The following MIS18A variants were observed in gnomAD, a reference collection of about 807,000 sequenced individuals.
MIS18A encodes protein Mis18-alpha.
A neutral mutation model predicts 25.0 loss-of-function variants in MIS18A; 14 were observed. The observed-to-expected ratio is 0.56, with a 90% CI of 0.37 to 0.88. MIS18A has a LOEUF of 0.88. Among genes scored for constraint, MIS18A ranks in the 40% least tolerant of loss-of-function variants. The pLI, the probability that MIS18A is intolerant of heterozygous loss-of-function variation, is 0.00. For synonymous variants in MIS18A, 134 were observed against 118.6 expected (o/e 1.13, Z -0.84); for missense variants, 292 against 290.8 (o/e 1.00, Z -0.03).
At chr21:32,212,273 C>T in the MIS18A span, among the ~76,000 whole-genome samples, 2 of 152,184 alleles carry the variant, frequency 1.3e-5, no homozygotes, top group Non-Finnish European at 2.9e-5. Flanking sequence ...AATCAGAAGG[C>T]ATGACTTTAA....
chr21:32,265,465 T>C (rs2031577382), downstream of MIS18A, among the ~76,000 whole-genome samples: 1 of 152,212 alleles, frequency 6.6e-6, no homozygotes, highest in African/African-American at 2.4e-5. Flanking sequence ...ATGGGGGACT[T>C]AGCACCTGGG....
the MIS18A span, among the ~76,000 whole-genome samples, chr21:32,201,893 C>T: frequency 2.0e-5 from 3 of 152,132 alleles, no homozygotes; most frequent in South Asian, 2.1e-4. Flanking sequence ...TTCAACTTTG[C>T]GTTACCTTTC....
the MIS18A span, among the ~76,000 whole-genome samples, chr21:32,221,507 T>C: frequency 1.3e-5 from 2 of 152,040 alleles, no homozygotes; most frequent in African/African-American, 2.4e-5. Context: ...GAAAAACCGG[T>C]ACCAGCCACT....
At chr21:32,240,427 G>A in the MIS18A span, among the ~76,000 whole-genome samples, 1 of 152,114 alleles carries the variant, frequency 6.6e-6, no homozygotes, top group Non-Finnish European at 1.5e-5. Flanking sequence ...AAACCTACGG[G>A]GCCTTGTTCT....
the MIS18A span, among the ~76,000 whole-genome samples, chr21:32,256,930 C>T: frequency 5.9e-5 from 9 of 152,164 alleles, no homozygotes; most frequent in African/African-American, 1.2e-4. Context: ...CAGGCTAGAA[C>T]GAAAGTCTGC....
the MIS18A span, among the ~76,000 whole-genome samples, chr21:32,190,664 G>C: frequency 6.6e-6 from 1 of 152,226 alleles, no homozygotes; most frequent in African/African-American, 2.4e-5. Context: ...TGCAGCTCCT[G>C]TCAAGTGAGC....
At chr21:32,246,716 C>T in the MIS18A span, among the ~76,000 whole-genome samples, 1 of 152,148 alleles carries the variant, frequency 6.6e-6, no homozygotes, top group Non-Finnish European at 1.5e-5. Flanking sequence ...CAGACCCTTT[C>T]CAGCGCCTTC....
At chr21:32,189,558 C>T in the MIS18A span, among the ~76,000 whole-genome samples, 2 of 152,224 alleles carry the variant, frequency 1.3e-5, no homozygotes, top group East Asian at 1.9e-4. Context: ...GGATGACAGG[C>T]GTGAGCCACC....
At chr21:32,242,023 C>T in the MIS18A span, among the ~76,000 whole-genome samples, 4 of 152,202 alleles carry the variant, frequency 2.6e-5, no homozygotes, top group Admixed American at 6.5e-5. Flanking sequence ...GGACTACAGG[C>T]GCCCGCCACC....
chr21:32,202,714 T>C, the MIS18A span, among the ~76,000 whole-genome samples: 2 of 152,216 alleles, frequency 1.3e-5, no homozygotes, highest in African/African-American at 2.4e-5. Flanking sequence ...TTTACCTAAG[T>C]GAAATCAGAC....
At chr21:32,208,919 A>G in the MIS18A span, among the ~76,000 whole-genome samples, 2 of 152,238 alleles carry the variant, frequency 1.3e-5, no homozygotes, top group Non-Finnish European at 2.9e-5. Flanking sequence ...GACTGCACCA[A>G]ACAGTGGGCA....
At chr21:32,175,518 C>T in the MIS18A span, among the ~76,000 whole-genome samples, 1 of 151,048 alleles carries the variant, frequency 6.6e-6, no homozygotes, top group East Asian at 1.9e-4. Flanking sequence ...GTTTAAAACA[C>T]AAACACACCG....
the MIS18A span, among the ~76,000 whole-genome samples, chr21:32,168,814 G>T: frequency 1.3e-5 from 2 of 152,248 alleles, 1 homozygote; most frequent in Non-Finnish European, 2.9e-5. Context: ...AGGAAAAAAG[G>T]AAAATAAGAA....
chr21:32,247,065 G>A, the MIS18A span, among the ~76,000 whole-genome samples: 2 of 152,108 alleles, frequency 1.3e-5, no homozygotes, highest in Non-Finnish European at 1.5e-5. Context: ...AGCAACTCTC[G>A]TCAACACCAA....
At chr21:32,229,193 TGA>T in the MIS18A span, among the ~76,000 whole-genome samples, 2 of 152,170 alleles carry the variant, frequency 1.3e-5, no homozygotes. Context: ...AAAAAACAAA[TGA>T]GATAAATAAG....
chr21:32,218,816 C>T, the MIS18A span, among the ~76,000 whole-genome samples: 1 of 152,046 alleles, frequency 6.6e-6, no homozygotes, highest in Non-Finnish European at 1.5e-5. Context: ...ATCTTATCAG[C>T]CACTTTGGGA....
At chr21:32,195,772 C>A in the MIS18A span, among the ~76,000 whole-genome samples, 1 of 152,136 alleles carries the variant, frequency 6.6e-6, no homozygotes. Context: ...GTAATCCCAG[C>A]CCTTTGGGAG....
intron 4 of MIS18A, among the ~76,000 whole-genome samples, chr21:32,269,432 A>C (rs2031672376): frequency 6.6e-6 from 1 of 152,220 alleles, no homozygotes; most frequent in Non-Finnish European, 1.5e-5. Context: ...GAATCAAACA[A>C]AATACTGATT....
chr21:32,208,922 A>G, the MIS18A span, among the ~76,000 whole-genome samples: 4 of 152,236 alleles, frequency 2.6e-5, no homozygotes, highest in Non-Finnish European at 5.9e-5. Flanking sequence ...TGCACCAAAC[A>G]GTGGGCAAAC....
Sources: allele counts gnomAD v4.1 joint callset (sites outside exome capture counted in the v4.1 genomes callset), GRCh38; gene constraint gnomAD v4.1.1; transcripts MANE v1.5; gene names NCBI Gene and HGNC (gene_info 2026-07-23, HGNC 2026-07-21).